The following PKHD1L1 variants were observed in gnomAD, a reference collection of about 807,000 sequenced individuals.
The protein encoded by PKHD1L1 is PKHD1 like 1.
Under a neutral mutation model 462.9 loss-of-function variants are expected in PKHD1L1, and 434 were observed. The ratio of observed to expected loss-of-function variants is 0.94; its 90% CI spans 0.87 to 1.02. The LOEUF (loss-of-function observed/expected upper bound fraction) is 1.02, where lower values mean the gene tolerates loss of function less well. Among genes scored for constraint, PKHD1L1 ranks in the 50% least tolerant of loss-of-function variants. PKHD1L1 has a pLI of 0.00. For synonymous variants in PKHD1L1, 1,781 were observed against 1,750.0 expected, an observed-to-expected ratio of 1.02 and a Z score of -0.44; for missense variants, 5,202 against 5,096.1, an observed-to-expected ratio of 1.02 and a Z score of -0.63.
At chr8:109,521,618 G>A (rs915107323) in intron 73 of PKHD1L1, among the ~76,000 whole-genome samples, 1 of 151,650 alleles carries the variant, frequency 6.6e-6, no homozygotes, top group Non-Finnish European at 1.5e-5. Flanking sequence ...GGGGCAGAAG[G>A]TTTAAGAGGA....
intron 49 of PKHD1L1, 39 bp from the exon 50 acceptor site, chr8:109,466,539 T>C: frequency 6.6e-7 from 1 of 1,515,822 alleles, no homozygotes; most frequent in African/African-American, 1.4e-5. Flanking sequence ...TGTTTCTTAA[T>C]GTGAAATAAA....
chr8:109,404,393 G>A (rs575930598), intron 14 of PKHD1L1, among the ~76,000 whole-genome samples, 161 bp from the exon 15 acceptor site: 1 of 152,210 alleles, frequency 6.6e-6, no homozygotes, highest in African/African-American at 2.4e-5. Flanking sequence ...GCAAAATGCT[G>A]TGAAAATTTT....
chr8:109,447,522 G>A (rs1816216988), intron 38 of PKHD1L1, among the ~76,000 whole-genome samples: 1 of 152,160 alleles, frequency 6.6e-6, no homozygotes, highest in Admixed American at 6.5e-5. Flanking sequence ...TGTCAAAAGA[G>A]GGAAGCAAGA....
At position 109,451,132 on chromosome 8, in the gene PKHD1L1, C is replaced by T. The variant is rs1447235911; in HGVS notation, c.6333C>T (p.Val2111=). 4.4e-6 allele frequency: 7 copies of T among 1,608,916 alleles called. No homozygotes were observed. Among genetic ancestry groups the T allele is most frequent in the Admixed American group, 3.4e-5 (2 of 59,514 alleles). ...GSTAGGTRLT[V]VGSGFSENME... ...CAGCAGGGGGCACCAGACTGACAGT[C>T]GTGGGATCAGGATTCAGGTACTGTC... The change falls in exon 41 of 78, where the codon GTC becomes GTT. Residue 2111 remains valine, a synonymous_variant. Coordinates refer to ENST00000378402, the MANE Select transcript of PKHD1L1 (RefSeq NM_177531.6).
In PKHD1L1 at chr8:109,447,813, G is replaced by A. The variant is rs564366857; in HGVS notation, c.5777-330G>A. ...AATATGCTCTAACCCATGCTGCTCA[G>A]ACATTCATACTTCCTAACTCTAGAC... On this transcript the variant is annotated intron_variant, in intron 38 of 77. Transcript: ENST00000378402. Among the ~76,000 whole-genome samples the A allele has an allele frequency of 2.8e-4, 43 of 152,300 alleles. No homozygotes were observed. The South Asian group carries it at 8.9e-3, about 32-fold the overall frequency.
At chr8:109,497,402 C>A in intron 65 of PKHD1L1, 130 bp downstream of exon 65, 2 of 1,110,396 alleles carry the variant, frequency 1.8e-6, no homozygotes, top group Non-Finnish European at 2.5e-6. Flanking sequence ...TGCCTTTGTT[C>A]CCACTGCCCT....
chr8:109,477,342 C>T lies in PKHD1L1; in HGVS notation c.9035C>T (p.Pro3012Leu). 1 of 1,613,454 alleles carries T rather than the reference C, an allele frequency of 6.2e-7. No homozygotes were observed. The highest frequency in any genetic ancestry group is 8.5e-7 in the Non-Finnish European group (1 of 1,179,646). ...TGTTGTATTCTCCAGGATTGCTTTCCTGTACATCCGCCATCAAGAAAACCA... is the reference window on the plus strand; with the variant it reads ...TGTTGTATTCTCCAGGATTGCTTTCTTGTACATCCGCCATCAAGAAAACCA... Reference protein sequence around the residue: ...AYCCILQDCFPVHPPSRKPIP... With the variant: ...AYCCILQDCFLVHPPSRKPIP... Residue 3012 changes from proline to leucine, a missense_variant, in exon 53 of 78, where the codon CCT becomes CTT. This residue lies in a region of PKHD1L1 where 4,497 missense variants were observed against 4,336.8 expected (regional missense o/e 1.04). Transcript: ENST00000378402.
At chr8:109,462,433 T>C (rs1159855018) in intron 48 of PKHD1L1, among the ~76,000 whole-genome samples, 1 of 152,164 alleles carries the variant, frequency 6.6e-6, no homozygotes, top group Non-Finnish European at 1.5e-5. Flanking sequence ...CTGATTTATC[T>C]CCTACGACCC....
chr8:109,493,775 G>T, intron 63 of PKHD1L1, 24 bp downstream of exon 63: 3 of 1,459,226 alleles, frequency 2.1e-6, no homozygotes, highest in Non-Finnish European at 2.8e-6. Context: ...ACCAGGAATC[G>T]CTAAAACTAG....
chr8:109,376,618 G>A (rs752914938), intron 2 of PKHD1L1, among the ~76,000 whole-genome samples: 8 of 152,114 alleles, frequency 5.3e-5, no homozygotes, highest in East Asian at 1.9e-4. Flanking sequence ...GACTGGAGCC[G>A]TTCCTATTAG....
intron 2 of PKHD1L1, among the ~76,000 whole-genome samples, chr8:109,367,111 A>G (rs1811271806): frequency 1.3e-5 from 2 of 152,220 alleles, no homozygotes; most frequent in African/African-American, 4.8e-5. Flanking sequence ...TAAATTAATA[A>G]ATGCTATTTT....
In PKHD1L1 at chr8:109,423,327, C is replaced by T. The variant is rs551085915; in HGVS notation, c.2698-1758C>T. On this transcript the variant is annotated intron_variant, in intron 23 of 77. Transcript: ENST00000378402. ...TTTTTACATGTAAGATGTGATTTTT[C>T]GTTGAGGTTCATTTGTTTGCCTATG... Among the ~76,000 whole-genome samples, 7 of 152,058 alleles carry T rather than the reference C, an allele frequency of 4.6e-5. No homozygotes were observed. The South Asian group carries it at 6.2e-4, about 14-fold the overall frequency.
In PKHD1L1 at chr8:109,515,663, C is replaced by G. The variant is rs76408641; in HGVS notation, c.11689+358C>G. Among the ~76,000 whole-genome samples, 521 of 152,178 alleles carry G rather than the reference C, an allele frequency of 3.4e-3. 3 individuals are homozygous for G. Among genetic ancestry groups the G allele is most frequent in the African/African-American group, 0.012 (494 of 41,524 alleles). The stretch of plus-strand genomic sequence containing the variant: ...CCTTATCTTGGCTTTACTTCTATTT[C>G]ATAGAAGTTAGAACCTAAATTAATT... On this transcript the variant is annotated intron_variant, in intron 72 of 77. Transcript: ENST00000378402.
At chr8:109,401,986 T>A (rs1335648519) in intron 14 of PKHD1L1, among the ~76,000 whole-genome samples, 1 of 152,178 alleles carries the variant, frequency 6.6e-6, no homozygotes, top group Non-Finnish European at 1.5e-5. Context: ...GTATTTGTTA[T>A]TAACTGGTTT....
In PKHD1L1 at chr8:109,454,727, G is replaced by C. The variant is rs202093473; in HGVS notation, c.6749G>C (p.Gly2250Ala). ...CATTTGTGACATCTTTTGCAGATTGGAACAGAGACATCCCCATTCCAACAC... is the reference window on the plus strand; with the variant it reads ...CATTTGTGACATCTTTTGCAGATTGCAACAGAGACATCCCCATTCCAACAC... ...LITDGGVLQI[G>A]TETSPFQHKA... The change falls in exon 45 of 78, where the codon GGA (glycine) becomes GCA (alanine). Residue 2250 changes from glycine to alanine, a missense_variant. By Grantham distance (60) the Gly-to-Ala change is moderately conservative. Around this residue, in one of 3 missense-constraint regions of PKHD1L1, gnomAD observed 4,497 missense variants for 4,336.8 expected, o/e 1.04. Transcript: ENST00000378402. 159 of 1,613,552 alleles carry C rather than the reference G, an allele frequency of 9.9e-5. No homozygotes were observed. The African/African-American group carries it at 1.6e-3, about 17-fold the overall frequency.
At chr8:109,469,358 G>A (rs1409074306) in intron 50 of PKHD1L1, among the ~76,000 whole-genome samples, 1 of 152,134 alleles carries the variant, frequency 6.6e-6, no homozygotes, top group Non-Finnish European at 1.5e-5. Context: ...AAGGCTGCCT[G>A]AAAGAAGCTG....
At chr8:109,394,374 A>T in intron 9 of PKHD1L1, 41 bp from the exon 10 acceptor site, 1 of 1,290,692 alleles carries the variant, frequency 7.7e-7, no homozygotes, top group Non-Finnish European at 1.1e-6. Flanking sequence ...TTCCTAAATT[A>T]AAGATCATTT....
chr8:109,373,781 G>C (rs1474371306), intron 2 of PKHD1L1, among the ~76,000 whole-genome samples: 1 of 152,168 alleles, frequency 6.6e-6, no homozygotes, highest in Non-Finnish European at 1.5e-5. Context: ...TCATTCAGGA[G>C]CAGGTTGTTC....
At chr8:109,420,049 G>A (rs963387297) in intron 22 of PKHD1L1, among the ~76,000 whole-genome samples, 1 of 152,132 alleles carries the variant, frequency 6.6e-6, no homozygotes, top group African/African-American at 2.4e-5. Flanking sequence ...TTCATTAAAT[G>A]ATATTCACTT....
Sources: allele counts gnomAD v4.1 joint callset (sites outside exome capture counted in the v4.1 genomes callset), GRCh38; gene constraint gnomAD v4.1.1; regional missense constraint gnomAD v4.1.1; transcripts MANE v1.5; gene names NCBI Gene and HGNC (gene_info 2026-07-23, HGNC 2026-07-21).